ADGRV1: variants seen among roughly 807,000 people sequenced by gnomAD.
ADGRV1 encodes G-protein coupled receptor 98.
A neutral mutation model predicts 596.2 loss-of-function variants in ADGRV1; 359 were observed. The observed-to-expected ratio is 0.60, with a 90% CI of 0.55 to 0.66. The LOEUF (loss-of-function observed/expected upper bound fraction) is 0.66, where lower values mean the gene tolerates loss of function less well. Among genes scored for constraint, ADGRV1 ranks in the 30% least tolerant of loss-of-function variants. The pLI is 0.00. For synonymous variants in ADGRV1, 2,681 were observed against 2,679.2 expected (o/e 1.00, Z -0.02); for missense variants, 7,274 against 7,575.6 (o/e 0.96, Z 1.48).
At chr5:90,825,103 A>T (rs1763961730) in intron 76 of ADGRV1, among the ~76,000 whole-genome samples, 2 of 151,940 alleles carry the variant, frequency 1.3e-5, no homozygotes, top group Non-Finnish European at 2.9e-5. Context: ...TGCCCAACTA[A>T]TTTTTGTATT....
chr5:90,804,186 T>G (rs2443075), intron 71 of ADGRV1, among the ~76,000 whole-genome samples: 2,641 of 152,272 alleles, frequency 0.017, 58 homozygotes, highest in African/African-American at 0.059. Context: ...GTGAATCCCC[T>G]GAGGTCAGGA....
intron 21 of ADGRV1, among the ~76,000 whole-genome samples, chr5:90,661,977 A>C (rs1770372474): frequency 6.6e-6 from 1 of 152,146 alleles, no homozygotes. Context: ...ACTGGACATT[A>C]TTCCTGACTC....
At chr5:90,836,020 G>A (rs757778555) in intron 77 of ADGRV1, among the ~76,000 whole-genome samples, 4 of 152,164 alleles carry the variant, frequency 2.6e-5, no homozygotes, top group Non-Finnish European at 5.9e-5. Context: ...TTAGCAAAAT[G>A]AAACCACAGT....
At chr5:90,851,318 A>T (rs1766504831) in intron 79 of ADGRV1, among the ~76,000 whole-genome samples, 2 of 152,074 alleles carry the variant, frequency 1.3e-5, no homozygotes, top group Non-Finnish European at 2.9e-5. Flanking sequence ...GGGACATGGG[A>T]GGGTGGTACC....
In ADGRV1 at chr5:90,672,643, C is replaced by A; in HGVS notation, c.4850C>A (p.Thr1617Asn). ...TTTTACACCATTTCACAGATTGAAA[C>A]TGATGGCATTAATTACCTTGTTGAT... Reference protein sequence around the residue: ...HVFYTISQIETDGINYLVDDF... With the variant: ...HVFYTISQIENDGINYLVDDF... Residue 1617 changes from threonine to asparagine, a missense_variant, in exon 22 of 90, where the codon ACT becomes AAT. Physicochemically the swap from Thr to Asn is moderately conservative, Grantham distance 65. Around this residue, in one of 5 missense-constraint regions of ADGRV1, gnomAD observed 3,643 missense variants for 3,809.2 expected, o/e 0.96. Coordinates refer to ENST00000405460, the MANE Select transcript of ADGRV1 (RefSeq NM_032119.4). 6.2e-7 allele frequency: 1 copy of A among 1,613,574 alleles called. No individual in the cohort carries two copies. The highest frequency in any genetic ancestry group is 8.5e-7 in the Non-Finnish European group (1 of 1,179,544).
rs544420922 is a variant in ADGRV1 at position 90,977,578 on chromosome 5, A to C, written c.17974-7766A>C. ...TATATGAAGATATATGAATAAGCGA[A>C]TGAATGTGTGTTTATGGAACATATG... On this transcript the variant is annotated intron_variant, in intron 84 of 89. Transcript: ENST00000405460. Among the ~76,000 whole-genome samples the C allele has an allele frequency of 1.8e-4, 27 of 152,342 alleles. 1 individual carries two copies. Among genetic ancestry groups the C allele is most frequent in the African/African-American group, 6.5e-4 (27 of 41,596 alleles).
intron 85 of ADGRV1, among the ~76,000 whole-genome samples, chr5:91,042,261 G>C (rs145315851): frequency 3.9e-5 from 6 of 152,272 alleles, no homozygotes; most frequent in Middle Eastern, 6.8e-3. Flanking sequence ...TGTCATAATG[G>C]TGGGAGTCAC....
At position 91,107,947 on chromosome 5, in the gene ADGRV1, C is replaced by T. The variant is rs375712462; in HGVS notation, c.18432+5607C>T. 2.6e-5 allele frequency among the ~76,000 whole-genome samples: 4 copies of T among 152,056 alleles called. No individual in the cohort carries two copies. The South Asian group carries it at 6.2e-4, about 24-fold the overall frequency. On this transcript the variant is annotated intron_variant, in intron 87 of 89. Coordinates refer to ENST00000405460, the MANE Select transcript of ADGRV1 (RefSeq NM_032119.4). ...TATAAGAAAAAATTTTGGTCTCTTT[C>T]TTTGAAGAACTTATTAGAAGCTAAG...
At chr5:90,620,879 C>T (rs1763976376) in intron 4 of ADGRV1, among the ~76,000 whole-genome samples, 1 of 152,186 alleles carries the variant, frequency 6.6e-6, no homozygotes, top group East Asian at 1.9e-4. Context: ...TATTACATCT[C>T]TTCAAAATTC....
In ADGRV1 at chr5:91,150,176, G is replaced by A; in HGVS notation, c.18579G>A (p.Gly6193=). The A allele has an allele frequency of 6.3e-7, 1 of 1,592,224 alleles. No individual in the cohort carries two copies. The highest frequency in any genetic ancestry group is 8.5e-7 in the Non-Finnish European group (1 of 1,170,564). Residue 6193 remains glycine, a synonymous_variant, in exon 88 of 90, where the codon GGG becomes GGA. Transcript: ENST00000405460. ...TPGSGMPPAG[G]EISKSTQNLI... ...GGAGTGGAATGCCTCCTGCTGGAGG[G>A]GAAATCAGCAAGTCCACCCAGAATC... is the stretch of plus-strand genomic sequence containing the variant.
intron 86 of ADGRV1, among the ~76,000 whole-genome samples, chr5:91,099,783 T>C (rs942303075): frequency 2.6e-5 from 4 of 152,056 alleles, no homozygotes; most frequent in Admixed American, 2.6e-4. Flanking sequence ...ATTAACCCCG[T>C]GATGTTGGGT....
chr5:91,063,121 G>T (rs1039574024), intron 85 of ADGRV1, among the ~76,000 whole-genome samples: 1 of 150,632 alleles, frequency 6.6e-6, no homozygotes, highest in Non-Finnish European at 1.5e-5. Flanking sequence ...ACCACACCTG[G>T]CTAATTTTTG....
At chr5:90,712,956 C>T (rs1311439620) in intron 42 of ADGRV1, among the ~76,000 whole-genome samples, 1 of 152,048 alleles carries the variant, frequency 6.6e-6, no homozygotes, top group Non-Finnish European at 1.5e-5. Context: ...CATCCTACTC[C>T]ATTGCTTGAT....
intron 59 of ADGRV1, among the ~76,000 whole-genome samples, chr5:90,763,758 AT>A (rs1756773137): frequency 6.6e-6 from 1 of 152,220 alleles, no homozygotes; most frequent in African/African-American, 2.4e-5. Context: ...GCTCCTACTT[AT>A]AAGTGAGAAC....
At chr5:90,664,820 T>C (rs992903780) in intron 21 of ADGRV1, among the ~76,000 whole-genome samples, 30 of 138,838 alleles carry the variant, frequency 2.2e-4, no homozygotes, top group Non-Finnish European at 3.8e-4. Flanking sequence ...GTTTTTAGCA[T>C]GAAGGGTTGT....
intron 83 of ADGRV1, among the ~76,000 whole-genome samples, chr5:90,938,718 C>T (rs542710343): frequency 6.6e-6 from 1 of 152,280 alleles, no homozygotes; most frequent in South Asian, 2.1e-4. Flanking sequence ...TACATTCCAG[C>T]TTATTGTTAA....
intron 85 of ADGRV1, among the ~76,000 whole-genome samples, chr5:91,010,023 G>T (rs1020943592): frequency 5.9e-5 from 9 of 151,964 alleles, no homozygotes; most frequent in African/African-American, 1.9e-4. Flanking sequence ...CTTGATCAGG[G>T]TTACTCTGGT....
At chr5:91,093,854 T>G (rs989532820) in intron 86 of ADGRV1, among the ~76,000 whole-genome samples, 31 of 149,130 alleles carry the variant, frequency 2.1e-4, no homozygotes, top group Non-Finnish European at 3.6e-4. Flanking sequence ...TACGTAAGTT[T>G]TTTTTTTTTT....
At chr5:91,107,456 TG>T (rs1406659274) in intron 87 of ADGRV1, among the ~76,000 whole-genome samples, 1 of 128,430 alleles carries the variant, frequency 7.8e-6, no homozygotes, top group East Asian at 2.2e-4. Flanking sequence ...TTTTTGTTTT[TG>T]TTTTTCTCTG....
Sources: gnomAD v4.1 joint callset for allele counts (sites outside exome capture counted in the v4.1 genomes callset) on GRCh38, gnomAD v4.1.1 for gene constraint, gnomAD v4.1.1 regional missense constraint, MANE v1.5 for transcripts, NCBI Gene and HGNC (gene_info 2026-07-23, HGNC 2026-07-21) for gene names.